The following DNAJC5 variants were observed in gnomAD, a reference collection of about 807,000 sequenced individuals.
DNAJC5 encodes dnaJ homolog subfamily C member 5.
Under a neutral mutation model 23.2 loss-of-function variants are expected in DNAJC5, and 1 was observed. That is an observed-to-expected ratio of 0.04 (90% confidence interval 0.02 to 0.20). The LOEUF is 0.20. DNAJC5 is among the 10% of genes least tolerant of loss of function. DNAJC5 has a pLI of 1.00. For synonymous variants in DNAJC5, 136 were observed against 120.0 expected, an observed-to-expected ratio of 1.13 and a Z score of -0.87; for missense variants, 180 against 267.0, an observed-to-expected ratio of 0.67 and a Z score of 2.27.
chr20:63,931,636 G>A lies in DNAJC5; in HGVS notation c.*68G>A, dbSNP rs2053672788. The A allele has an allele frequency of 1.5e-5, 22 of 1,455,202 alleles. 1 individual carries two copies. The South Asian group carries it at 2.3e-4, about 15-fold the overall frequency. 90.1% of individuals were successfully genotyped at this position (1,455,202 alleles called of 1,614,324 possible). A position where few individuals can be genotyped will look rare whatever the true frequency, so the allele number is the denominator to read the frequency against. ...CACGCCAACCTTAGAATCATGAACTGTAGTCACAGAGATGGGAAGGCAGCC... is the reference window on the plus strand; with the variant it reads ...CACGCCAACCTTAGAATCATGAACTATAGTCACAGAGATGGGAAGGCAGCC... On this transcript the variant is annotated 3_prime_UTR_variant, in exon 5 of 5. Transcript: ENST00000360864. This position sits in a 1 kb window ranked among gnomAD's most constrained non-coding sequence, Gnocchi z 9.6.
chr20:63,926,294 A>T (rs2053615760), intron 1 of DNAJC5, among the ~76,000 whole-genome samples: 1 of 152,020 alleles, frequency 6.6e-6, no homozygotes, highest in South Asian at 2.1e-4. Flanking sequence ...TATCCTTTTC[A>T]CGCCTCTAGG....
rs912951702 is a variant in DNAJC5, at chr20:63,920,390, G to A, written c.-11-7945G>A. 2.0e-5 allele frequency among the ~76,000 whole-genome samples: 3 copies of A among 152,150 alleles called. No individual in the cohort carries two copies. The highest frequency in any genetic ancestry group is 4.4e-5 in the Non-Finnish European group (3 of 68,030). On this transcript the variant is annotated intron_variant, in intron 1 of 4. Coordinates refer to ENST00000360864, the MANE Select transcript of DNAJC5 (RefSeq NM_025219.3). The surrounding 1 kb of genome is among the most constrained non-coding windows in gnomAD (Gnocchi z 4.6). ...GGGTGTGGTGGGGGAAGGGGCTGGC[G>A]TCAGCAGGGCTCTCGTCCGCCAACG... is the stretch of plus-strand genomic sequence containing the variant.
At chr20:63,898,795 A>T (rs932358561) in intron 1 of DNAJC5, among the ~76,000 whole-genome samples, 7 of 152,106 alleles carry the variant, frequency 4.6e-5, no homozygotes, top group African/African-American at 1.7e-4. Context: ...GAGCTGAGAT[A>T]GCACCACTGC....
intron 1 of DNAJC5, among the ~76,000 whole-genome samples, chr20:63,909,931 C>G (rs1338209032): frequency 6.6e-6 from 1 of 152,174 alleles, no homozygotes; most frequent in African/African-American, 2.4e-5. Context: ...GGTTACTGAT[C>G]TTATGAAGAA....
rs377652848 is a variant in DNAJC5 at position 63,929,295 on chromosome 20, A to G, written c.108-17A>G. ...ACAAAGTCCAGGGTAGAGCCAGGAC[A>G]TGGTTTTGGTTTGCAGGAAGCTTGC... On this transcript the variant is annotated splice_polypyrimidine_tract_variant and intron_variant, in intron 2 of 4. Coordinates refer to ENST00000360864, the MANE Select transcript of DNAJC5 (RefSeq NM_025219.3). The surrounding 1 kb of genome is among the most constrained non-coding windows in gnomAD (Gnocchi z 8.6). The G allele has an allele frequency of 2.3e-5, 37 of 1,610,780 alleles. No individual in the cohort carries two copies. Among genetic ancestry groups the G allele is most frequent in the Non-Finnish European group, 2.5e-5 (30 of 1,178,660 alleles).
At chr20:63,906,431 A>C (rs1181256958) in intron 1 of DNAJC5, among the ~76,000 whole-genome samples, 2 of 152,164 alleles carry the variant, frequency 1.3e-5, no homozygotes, top group Admixed American at 1.3e-4. Context: ...CGGAGGTTGC[A>C]GTGAGCCGAC....
In DNAJC5 at chr20:63,931,443, G is replaced by GC. The variant is rs1341512599; in HGVS notation, c.494-19dup. On this transcript the variant is annotated intron_variant, in intron 4 of 4. Coordinates refer to ENST00000360864, the MANE Select transcript of DNAJC5 (RefSeq NM_025219.3). The surrounding 1 kb of genome is among the most constrained non-coding windows in gnomAD (Gnocchi z 9.6). ...CGCCAGGCTGTGGCCCTCGTGCAGT[G>GC]CCCTGTGTGCTTGCTTTTCAGAGGC... 3 of 1,539,506 alleles carry GC rather than the reference G, an allele frequency of 1.9e-6. No individual in the cohort carries two copies. In the African/African-American group the frequency reaches 4.1e-5, roughly 21 times the overall value.
intron 1 of DNAJC5, among the ~76,000 whole-genome samples, chr20:63,898,326 G>A (rs1247924612): frequency 6.6e-6 from 1 of 152,190 alleles, no homozygotes; most frequent in Non-Finnish European, 1.5e-5. Context: ...CTGAAATCAG[G>A]CAGTAAGGTG....
At chr20:63,905,569 T>C (rs914037237) in intron 1 of DNAJC5, among the ~76,000 whole-genome samples, 1 of 119,004 alleles carries the variant, frequency 8.4e-6, no homozygotes. Flanking sequence ...ACATGGCAGA[T>C]TTTTTTTTTT....
intron 1 of DNAJC5, among the ~76,000 whole-genome samples, chr20:63,896,475 C>T (rs2053376320): frequency 1.3e-5 from 2 of 152,072 alleles, no homozygotes; most frequent in Admixed American, 6.6e-5. Flanking sequence ...TGAGGGACAC[C>T]CCTGGCGAGG....
intron 1 of DNAJC5, among the ~76,000 whole-genome samples, chr20:63,900,294 C>G (rs1026705708): frequency 1.3e-5 from 2 of 151,774 alleles, no homozygotes; most frequent in African/African-American, 4.8e-5. Context: ...TCTGAAAATT[C>G]TGGGCTGGTG....
Position 63,930,988 on chromosome 20 carries a change from G to A in DNAJC5, c.459G>A (p.Glu153=), listed in dbSNP as rs1184313131. The A allele has an allele frequency of 6.2e-7, 1 of 1,613,996 alleles. No individual in the cohort carries two copies. Among genetic ancestry groups the A allele is most frequent in the South Asian group, 1.1e-5 (1 of 91,096 alleles). ...AGACGGAGTTCTACGTGTCCCCCGAGGATCTGGAGGCACAGCTGCAGTCTG... is the reference window on the plus strand; with the variant it reads ...AGACGGAGTTCTACGTGTCCCCCGAAGATCTGGAGGCACAGCTGCAGTCTG... The part of the protein sequence containing the change: ...GEETEFYVSP[E]DLEAQLQSDE... The change falls in exon 4 of 5, where the codon GAG becomes GAA. Residue 153 remains glutamate (E), a synonymous_variant. Coordinates refer to ENST00000360864, the MANE Select transcript of DNAJC5 (RefSeq NM_025219.3).
chr20:63,926,076 C>T (rs1055275027), intron 1 of DNAJC5, among the ~76,000 whole-genome samples: 17 of 152,184 alleles, frequency 1.1e-4, no homozygotes, highest in Non-Finnish European at 2.1e-4. Context: ...GATCTGCCCG[C>T]CTTGGCCTCC....
intron 1 of DNAJC5, among the ~76,000 whole-genome samples, chr20:63,916,120 G>C (rs998353904): frequency 6.6e-6 from 1 of 152,098 alleles, no homozygotes; most frequent in African/African-American, 2.4e-5. Context: ...GCTAATTTTT[G>C]TATTTTTAGT....
rs1297166839 is a variant in DNAJC5, at chr20:63,932,841, G to T, written c.*1273G>T. ...ACGGAATCCACACGTGGACCATTGT[G>T]GGTCCCTTGGGAGGCCAGCAGCCAG... is the stretch of plus-strand genomic sequence containing the variant. On this transcript the variant is annotated 3_prime_UTR_variant, in exon 5 of 5. Transcript: ENST00000360864. The surrounding 1 kb of genome is among the most constrained non-coding windows in gnomAD (Gnocchi z 4.4). 6.6e-6 allele frequency: 1 copy of T among 152,232 alleles called. No homozygotes were observed. The highest frequency in any genetic ancestry group is 6.6e-5 in the Admixed American group (1 of 15,264). The allele number at this position is 152,232 out of a possible 1,614,324, so 9.4% of individuals were successfully genotyped here.
intron 1 of DNAJC5, among the ~76,000 whole-genome samples, chr20:63,919,089 C>T (rs779002015): frequency 6.6e-6 from 1 of 152,190 alleles, no homozygotes; most frequent in Non-Finnish European, 1.5e-5. Flanking sequence ...GAGATTGCAC[C>T]TGGAAGTACA....
At position 63,931,167 on chromosome 20, in the gene DNAJC5, G is replaced by A; in HGVS notation, c.493+145G>A. ...GTGGCAGCTGGGACTGTTGAGGTGT[G>A]AACGTGGACCCTGAGGTAAAGCAGG... On this transcript the variant is annotated intron_variant, in intron 4 of 4. Coordinates refer to ENST00000360864, the MANE Select transcript of DNAJC5 (RefSeq NM_025219.3). This position sits in a 1 kb window ranked among gnomAD's most constrained non-coding sequence, Gnocchi z 9.6. The A allele has an allele frequency of 1.1e-6, 1 of 936,096 alleles. No homozygotes were observed. Among genetic ancestry groups the A allele is most frequent in the Non-Finnish European group, 1.7e-6 (1 of 598,952 alleles). 58.0% of individuals were successfully genotyped at this position (936,096 alleles called of 1,614,324 possible). A position where few individuals can be genotyped will look rare whatever the true frequency, so the allele number is the denominator to read the frequency against.
At chr20:63,930,347 G>A (rs997466049) in intron 3 of DNAJC5, among the ~76,000 whole-genome samples, 1 of 151,998 alleles carries the variant, frequency 6.6e-6, no homozygotes, top group African/African-American at 2.4e-5. Flanking sequence ...CAGCCTGGAG[G>A]CTGCTTTGTT....
chr20:63,931,484 C>A lies in DNAJC5; in HGVS notation c.513C>A (p.Ile171=). 6.4e-7 allele frequency: 1 copy of A among 1,571,334 alleles called. No homozygotes were observed. The change falls in exon 5 of 5, where the codon ATC becomes ATA. Residue 171 remains isoleucine, a synonymous_variant. Coordinates refer to ENST00000360864, the MANE Select transcript of DNAJC5 (RefSeq NM_025219.3). This position sits in a 1 kb window ranked among gnomAD's most constrained non-coding sequence, Gnocchi z 9.6. ...TTTCAGAGGCCACAGACACGCCGATCGTCATACAGCCGGCATCCGCCACCG... is the reference window on the plus strand; with the variant it reads ...TTTCAGAGGCCACAGACACGCCGATAGTCATACAGCCGGCATCCGCCACCG... ...SDEREATDTP[I]VIQPASATET...
Sources: allele counts gnomAD v4.1 joint callset (sites outside exome capture counted in the v4.1 genomes callset), GRCh38; gene constraint gnomAD v4.1.1; non-coding constraint Gnocchi (gnomAD v3.1); transcripts MANE v1.5; gene names NCBI Gene and HGNC (gene_info 2026-07-23, HGNC 2026-07-21).